The following HS2ST1 variants were observed in gnomAD, a reference collection of about 807,000 sequenced individuals.
HS2ST1 encodes heparan sulfate 2-O-sulfotransferase 1.
A neutral mutation model predicts 42.9 loss-of-function variants in HS2ST1; 18 were observed. The ratio of observed to expected loss-of-function variants is 0.42; its 90% confidence interval spans 0.29 to 0.62. HS2ST1 has a LOEUF of 0.62. HS2ST1 is among the 20% of genes least tolerant of loss of function. HS2ST1 has a pLI of 0.21. For missense variants in HS2ST1, 334 were observed against 433.8 expected (o/e 0.77, Z 2.04); for synonymous variants, 146 against 152.9 (o/e 0.95, Z 0.33).
chr1:86,921,158 T>A (rs1037290929), intron 1 of HS2ST1, among the ~76,000 whole-genome samples: 1 of 152,204 alleles, frequency 6.6e-6, no homozygotes, highest in Non-Finnish European at 1.5e-5. Context: ...TGTTATTGGC[T>A]GAAGTATGCT....
intron 3 of HS2ST1, among the ~76,000 whole-genome samples, chr1:87,090,654 G>A (rs1449633957): frequency 6.6e-6 from 1 of 151,894 alleles, no homozygotes; most frequent in Admixed American, 6.6e-5. Flanking sequence ...GTTGTGTCAT[G>A]GTAATTCTCT....
intron 1 of HS2ST1, among the ~76,000 whole-genome samples, chr1:87,011,385 G>A (rs1282998717): frequency 6.6e-6 from 1 of 151,952 alleles, no homozygotes; most frequent in Non-Finnish European, 1.5e-5. Context: ...TGGGACCACA[G>A]GTGCACACCA....
At chr1:87,019,641 A>G (rs1649859660) in intron 1 of HS2ST1, among the ~76,000 whole-genome samples, 1 of 152,214 alleles carries the variant, frequency 6.6e-6, no homozygotes, top group African/African-American at 2.4e-5. Context: ...GCAAAACTAT[A>G]TGACAGGAAA....
chr1:86,945,027 C>G (rs1647287786), intron 1 of HS2ST1, among the ~76,000 whole-genome samples: 2 of 152,090 alleles, frequency 1.3e-5, no homozygotes, highest in Non-Finnish European at 2.9e-5. Flanking sequence ...TTATATCCCT[C>G]TAAATTTTCT....
intron 1 of HS2ST1, among the ~76,000 whole-genome samples, chr1:87,064,094 G>A (rs936733923): frequency 6.6e-6 from 1 of 152,028 alleles, no homozygotes; most frequent in Admixed American, 6.6e-5. Context: ...TACAGTTGGT[G>A]GGGGGGCCGG....
intron 1 of HS2ST1, among the ~76,000 whole-genome samples, chr1:87,002,878 A>G (rs922275917): frequency 1.3e-5 from 2 of 152,196 alleles, no homozygotes; most frequent in African/African-American, 4.8e-5. Context: ...ATATGGAACA[A>G]TGGCTCTTGC....
intron 1 of HS2ST1, among the ~76,000 whole-genome samples, chr1:86,974,579 T>TGAGG (rs374510529): frequency 5.4e-4 from 82 of 152,314 alleles, no homozygotes; most frequent in African/African-American, 1.9e-3. Context: ...GTGAATAACC[T>TGAGG]GAGGACCCTT....
intron 1 of HS2ST1, among the ~76,000 whole-genome samples, chr1:87,050,671 T>C (rs752026993): frequency 6.6e-6 from 1 of 152,086 alleles, no homozygotes; most frequent in Non-Finnish European, 1.5e-5. Flanking sequence ...GAAATACAGA[T>C]TCCCCAGTCC....
At chr1:87,000,779 A>G (rs755635365) in intron 1 of HS2ST1, among the ~76,000 whole-genome samples, 45 of 152,324 alleles carry the variant, frequency 3.0e-4, no homozygotes, top group Non-Finnish European at 3.8e-4. Flanking sequence ...TATGTAGCAC[A>G]GTGGGAACAT....
At chr1:86,931,443 C>T (rs1423048747) in intron 1 of HS2ST1, among the ~76,000 whole-genome samples, 1 of 151,894 alleles carries the variant, frequency 6.6e-6, no homozygotes, top group Non-Finnish European at 1.5e-5. Context: ...CTATATGTAA[C>T]CCTTACTTCA....
chr1:87,077,107 G>C (rs536133119), intron 2 of HS2ST1, among the ~76,000 whole-genome samples: 12 of 152,242 alleles, frequency 7.9e-5, no homozygotes, highest in African/African-American at 2.6e-4. Flanking sequence ...ACTCCCACTG[G>C]ATGCCAAAAT....
chr1:87,027,652 C>CA (rs971237675), intron 1 of HS2ST1, among the ~76,000 whole-genome samples: 11 of 151,024 alleles, frequency 7.3e-5, no homozygotes, highest in African/African-American at 1.2e-4. Flanking sequence ...AGAAGGGTGG[C>CA]AAAAAAAAGG....
chr1:87,014,162 T>C (rs975934012), intron 1 of HS2ST1, among the ~76,000 whole-genome samples: 48 of 152,348 alleles, frequency 3.2e-4, no homozygotes, highest in African/African-American at 1.1e-3. Context: ...TGTATTAGTC[T>C]GTTCTCATGC....
intron 1 of HS2ST1, among the ~76,000 whole-genome samples, chr1:86,953,754 C>T (rs761524746): frequency 1.3e-5 from 2 of 151,452 alleles, no homozygotes; most frequent in East Asian, 1.9e-4. Flanking sequence ...GTGAGACTCC[C>T]GTCTCAAAAA....
intron 1 of HS2ST1, among the ~76,000 whole-genome samples, chr1:87,038,817 C>T (rs1650448106): frequency 6.6e-6 from 1 of 151,518 alleles, no homozygotes; most frequent in Non-Finnish European, 1.5e-5. Flanking sequence ...CAGATAGATA[C>T]AGAACAAGAG....
intron 1 of HS2ST1, among the ~76,000 whole-genome samples, chr1:86,967,939 A>G (rs1648096044): frequency 6.6e-6 from 1 of 152,176 alleles, no homozygotes; most frequent in Admixed American, 6.5e-5. Context: ...TTCTGTTTTC[A>G]CCACATCCAT....
intron 1 of HS2ST1, among the ~76,000 whole-genome samples, chr1:86,942,044 C>T (rs1469620852): frequency 1.5e-4 from 23 of 152,158 alleles, no homozygotes; most frequent in Non-Finnish European, 1.5e-4. Flanking sequence ...TTTCATCCTT[C>T]TGTGTTTGAC....
chr1:86,927,318 T>G (rs534966188), intron 1 of HS2ST1, among the ~76,000 whole-genome samples: 4 of 152,290 alleles, frequency 2.6e-5, no homozygotes, highest in African/African-American at 7.2e-5. Flanking sequence ...CATGGCACAA[T>G]TCTTGCTAAA....
chr1:86,947,968 G>C (rs1051608802), intron 1 of HS2ST1, among the ~76,000 whole-genome samples: 3 of 152,082 alleles, frequency 2.0e-5, no homozygotes, highest in Non-Finnish European at 4.4e-5. Context: ...TCATGATACT[G>C]ATATTAACCT....
Sources: gnomAD v4.1 joint callset for allele counts (sites outside exome capture counted in the v4.1 genomes callset) on GRCh38, gnomAD v4.1.1 for gene constraint, MANE v1.5 for transcripts, NCBI Gene and HGNC (gene_info 2026-07-23, HGNC 2026-07-21) for gene names.